TOR1AIP1: variants seen among roughly 807,000 people sequenced by gnomAD.
The protein encoded by TOR1AIP1 is torsin 1A interacting protein 1.
Under a neutral mutation model 63.3 loss-of-function variants are expected in TOR1AIP1, and 54 were observed. The ratio of observed to expected loss-of-function variants is 0.85; its 90% CI spans 0.69 to 1.07. The LOEUF (loss-of-function observed/expected upper bound fraction) is 1.07, where lower values mean the gene tolerates loss of function less well. TOR1AIP1 is among the 50% of genes least tolerant of loss of function. The pLI is 0.00. For missense variants in TOR1AIP1, 736 were observed against 715.0 expected, an observed-to-expected ratio of 1.03 and a Z score of -0.33; for synonymous variants, 294 against 273.5, an observed-to-expected ratio of 1.07 and a Z score of -0.74.
rs1491104735 is a variant in TOR1AIP1, at chr1:179,906,743, C to CCCCT, written c.797-1080_797-1079insCCCT. The stretch of plus-strand genomic sequence containing the variant: ...TTACCAATTTTGGTTCCCCCCCCCC[C>CCCCT]TTTTTTTTTTTTGAGACAGAGTCTC... On this transcript the variant is annotated intron_variant, in intron 6 of 9. Coordinates refer to ENST00000606911, the MANE Select transcript of TOR1AIP1 (RefSeq NM_015602.4). 7.8e-3 allele frequency among the ~76,000 whole-genome samples: 309 copies of CCCCT among 39,812 alleles called. 2 individuals are homozygous for CCCCT. Among genetic ancestry groups the CCCCT allele is most frequent in the South Asian group, 0.011 (14 of 1,286 alleles). 26.1% of individuals were successfully genotyped at this position (39,812 alleles called of 152,430 possible). A position where few individuals can be genotyped will look rare whatever the true frequency, so the allele number is the denominator to read the frequency against.
At chr1:179,908,745 G>A (rs1053954314) in intron 8 of TOR1AIP1, 72 bp downstream of exon 8, 1 of 1,255,280 alleles carries the variant, frequency 8.0e-7, no homozygotes, top group South Asian at 1.3e-5. Context: ...AAAATATTTA[G>A]TTCTTCAGAT....
intron 5 of TOR1AIP1, 62 bp from the exon 6 acceptor site, chr1:179,903,904 T>C: frequency 1.7e-6 from 2 of 1,191,510 alleles, no homozygotes; most frequent in Non-Finnish European, 2.4e-6. Flanking sequence ...CACTGTTGTC[T>C]TGTAAAATGT....
At chr1:179,913,713 C>G (rs1448546161) in intron 8 of TOR1AIP1, 1 of 700,224 alleles carries the variant, frequency 1.4e-6, no homozygotes, top group Non-Finnish European at 2.6e-6. Flanking sequence ...CCATTAGATA[C>G]TTAATGGGTC....
chr1:179,907,858 G>C lies in TOR1AIP1; in HGVS notation c.832G>C (p.Val278Leu). The change falls in exon 7 of 10, where the codon GTG (valine) becomes CTG (leucine). Residue 278 changes from valine (V) to leucine (L), a missense_variant. Coordinates refer to ENST00000606911, the MANE Select transcript of TOR1AIP1 (RefSeq NM_015602.4). Reference protein sequence around the residue: ...NFTAHDKQPSVLSSGYQKTPQ... With the variant: ...NFTAHDKQPSLLSSGYQKTPQ... ...CACAGCTCATGATAAGCAACCTTCA[G>C]TGCTAAGTAAGTAGTTGGTTGTCTG... 6.4e-7 allele frequency: 1 copy of C among 1,572,608 alleles called. No individual in the cohort carries two copies. The highest frequency in any genetic ancestry group is 8.6e-7 in the Non-Finnish European group (1 of 1,158,140).
chr1:179,900,054 C>T, intron 3 of TOR1AIP1, 72 bp from the exon 4 acceptor site: 1 of 1,208,278 alleles, frequency 8.3e-7, no homozygotes, highest in Non-Finnish European at 1.2e-6. Flanking sequence ...TTTTCCTAAG[C>T]TTTTGTTTAT....
chr1:179,902,970 C>T (rs553785534), intron 5 of TOR1AIP1, among the ~76,000 whole-genome samples: 2 of 151,066 alleles, frequency 1.3e-5, no homozygotes, highest in Non-Finnish European at 2.9e-5. Flanking sequence ...TGCGCGATCG[C>T]ACTTCAGCCT....
chr1:179,889,297 C>T lies in TOR1AIP1; in HGVS notation c.554-16C>T. On this transcript the variant is annotated splice_polypyrimidine_tract_variant and intron_variant, in intron 2 of 9. Coordinates refer to ENST00000606911, the MANE Select transcript of TOR1AIP1 (RefSeq NM_015602.4). ...TTTTATATATTTTTAAATGTTTTCT[C>T]TTCCTATATTAGCAGTGAGTGAAGA... The T allele has an allele frequency of 6.4e-7, 1 of 1,568,866 alleles. No homozygotes were observed. Among genetic ancestry groups the T allele is most frequent in the Non-Finnish European group, 8.7e-7 (1 of 1,145,294 alleles).
At chr1:179,901,439 A>G in intron 5 of TOR1AIP1, 51 bp downstream of exon 5, 2 of 1,155,180 alleles carry the variant, frequency 1.7e-6, no homozygotes, top group Admixed American at 2.6e-5. Flanking sequence ...TATCTTTGGT[A>G]TTCCATGAAT....
chr1:179,904,922 G>C (rs982522387), intron 6 of TOR1AIP1, among the ~76,000 whole-genome samples: 3 of 152,140 alleles, frequency 2.0e-5, no homozygotes, highest in Admixed American at 6.5e-5. Context: ...ATTGCGCCCA[G>C]CCACCTTTAT....
chr1:179,917,104 C>A (rs994304817), intron 9 of TOR1AIP1, among the ~76,000 whole-genome samples: 5 of 152,152 alleles, frequency 3.3e-5, no homozygotes, highest in African/African-American at 1.2e-4. Flanking sequence ...TTTTAATAGT[C>A]TATTCTCCCA....
In TOR1AIP1 at chr1:179,918,932, TTCCTTGAAGAAAA is replaced by T. The variant is rs1649106884; in HGVS notation, c.*694_*706del. On this transcript the variant is annotated 3_prime_UTR_variant, in exon 10 of 10. Coordinates refer to ENST00000606911, the MANE Select transcript of TOR1AIP1 (RefSeq NM_015602.4). ...TTTGTTTTTTACATCTCCTTTTTCC[TTCCTTGAAGAAAA>T]ATTCTTGGCTGTCCCAAGGATTCTT... 6.6e-6 allele frequency: 1 copy of T among 152,216 alleles called. No individual in the cohort carries two copies. The highest frequency in any genetic ancestry group is 2.4e-5 in the African/African-American group (1 of 41,454). The allele number at this position is 152,216 out of a possible 1,614,324, so 9.4% of individuals were successfully genotyped here. A position where few individuals can be genotyped will look rare whatever the true frequency, so the allele number is the denominator to read the frequency against.
intron 9 of TOR1AIP1, 42 bp from the exon 10 acceptor site, chr1:179,917,410 A>G (rs1649053988): frequency 7.2e-6 from 11 of 1,530,448 alleles, no homozygotes; most frequent in East Asian, 6.8e-5. Flanking sequence ...TGAATCTAAG[A>G]AAGTGGTATT....
chr1:179,907,911 C>CTATTTT, intron 7 of TOR1AIP1, 47 bp downstream of exon 7: 3 of 636,576 alleles, frequency 4.7e-6, no homozygotes, highest in Non-Finnish European at 7.0e-6. Context: ...CAATTCTTTT[C>CTATTTT]TCTTTTTTTT....
intron 1 of TOR1AIP1, chr1:179,883,743 A>G (rs777519721): frequency 4.4e-6 from 2 of 455,162 alleles, no homozygotes; most frequent in Non-Finnish European, 8.8e-6. Flanking sequence ...CTAAATGGAC[A>G]AAAGGGATGC....
chr1:179,914,967 ATTAAT>A (rs1399860083), intron 9 of TOR1AIP1, among the ~76,000 whole-genome samples: 1 of 152,196 alleles, frequency 6.6e-6, no homozygotes, highest in African/African-American at 2.4e-5. Flanking sequence ...TAAAATATGT[ATTAAT>A]TTATTTTAAA....
intron 2 of TOR1AIP1, among the ~76,000 whole-genome samples, chr1:179,887,035 A>G (rs1647927385): frequency 1.3e-5 from 2 of 152,208 alleles, no homozygotes. Flanking sequence ...TTGATATTCA[A>G]AATAGTGCTA....
At chr1:179,883,937 A>G (rs1647826699) in intron 1 of TOR1AIP1, 3 of 283,054 alleles carry the variant, frequency 1.1e-5, no homozygotes, top group Middle Eastern at 1.3e-3. Context: ...ATGGGATGAC[A>G]TAGTTTGTGG....
chr1:179,903,486 A>G (rs1010178081), intron 5 of TOR1AIP1, among the ~76,000 whole-genome samples: 1 of 150,966 alleles, frequency 6.6e-6, no homozygotes, highest in Admixed American at 6.6e-5. Context: ...TAGATGTGAC[A>G]TGACTCTTTA....
At chr1:179,884,668 A>C in intron 1 of TOR1AIP1, 24 bp from the exon 2 acceptor site, 1 of 1,583,004 alleles carries the variant, frequency 6.3e-7, no homozygotes, top group Non-Finnish European at 8.6e-7. Flanking sequence ...CTGAATTTTA[A>C]CTCTTGTTAT....
Sources: allele counts gnomAD v4.1 joint callset (sites outside exome capture counted in the v4.1 genomes callset), GRCh38; gene constraint gnomAD v4.1.1; transcripts MANE v1.5; gene names NCBI Gene and HGNC (gene_info 2026-07-23, HGNC 2026-07-21).